The following EIF3F variants were observed in gnomAD, a reference collection of about 807,000 sequenced individuals.
EIF3F encodes eukaryotic translation initiation factor 3 subunit F.
A neutral mutation model predicts 36.0 loss-of-function variants in EIF3F; 8 were observed. That is an observed-to-expected ratio of 0.22 (90% CI 0.13 to 0.40). The LOEUF (loss-of-function observed/expected upper bound fraction) is 0.40. Among genes scored for constraint, EIF3F ranks in the 10% least tolerant of loss-of-function variants. EIF3F has a pLI of 1.00. For missense variants in EIF3F, 430 were observed against 467.6 expected (o/e 0.92, Z 0.74); for synonymous variants, 184 against 188.5 (o/e 0.98, Z 0.19).
intron 1 of EIF3F, among the ~76,000 whole-genome samples, chr11:7,988,133 A>G (rs1199941203): frequency 1.3e-5 from 2 of 152,188 alleles, no homozygotes; most frequent in Non-Finnish European, 2.9e-5. Flanking sequence ...GTGACCACAT[A>G]TTTCTCCCTT....
chr11:7,993,115 A>T, intron 4 of EIF3F, 91 bp downstream of exon 4: 2 of 1,424,812 alleles, frequency 1.4e-6, no homozygotes. Context: ...TTCCATGTGT[A>T]ACTTGCTGTG....
intron 1 of EIF3F, among the ~76,000 whole-genome samples, chr11:7,991,577 G>A (rs1387796510): frequency 6.6e-6 from 1 of 152,202 alleles, no homozygotes; most frequent in Non-Finnish European, 1.5e-5. Context: ...GTGATGATTA[G>A]AGGGAGAAGT....
rs1942210181 is a variant in EIF3F at position 8,000,609 on chromosome 11, T to G, written c.*4587T>G. 6.6e-6 allele frequency: 1 copy of G among 152,216 alleles called. No individual in the cohort carries two copies. The highest frequency in any genetic ancestry group is 1.5e-5 in the Non-Finnish European group (1 of 68,040). The allele number at this position is 152,216 out of a possible 1,614,324, so 9.4% of individuals were successfully genotyped here. On this transcript the variant is annotated 3_prime_UTR_variant, in exon 8 of 8. Coordinates refer to ENST00000651655, the MANE Select transcript of EIF3F (RefSeq NM_003754.3). ...TAATCAATTTCGCAATGTGTACATATATCAAAACATCACATTGTACAAAAT... is the reference window on the plus strand; with the variant it reads ...TAATCAATTTCGCAATGTGTACATAGATCAAAACATCACATTGTACAAAAT...
At position 7,987,612 on chromosome 11, in the gene EIF3F, C is replaced by T. The variant is rs761792741; in HGVS notation, c.260C>T (p.Pro87Leu). ...LPGPALPGPF[P>L]GGRVVRLHPV... is the part of the protein sequence containing the mutation. ...GGTCCTGCTCTTCCAGGGCCCTTCC[C>T]CGGCGGCCGCGTGGTCAGGCTGCAC... Residue 87 changes from proline (P) to leucine (L), a missense_variant, in exon 1 of 8, where the codon CCC becomes CTC. Physicochemically the swap from Pro to Leu is moderately conservative, Grantham distance 98. Coordinates refer to ENST00000651655, the MANE Select transcript of EIF3F (RefSeq NM_003754.3). 9 of 1,585,038 alleles carry T rather than the reference C, an allele frequency of 5.7e-6. No homozygotes were observed. In the African/African-American group the frequency reaches 1.2e-4, roughly 22 times the overall value.
intron 1 of EIF3F, chr11:7,987,961 G>C: frequency 6.7e-6 from 3 of 448,022 alleles, no homozygotes; most frequent in Non-Finnish European, 1.1e-5. Context: ...ACAAGGAGTA[G>C]TTGTGTCATT....
rs1011593306 is a variant in EIF3F at position 7,998,314 on chromosome 11, A to T, written c.*2292A>T. On this transcript the variant is annotated 3_prime_UTR_variant, in exon 8 of 8. Coordinates refer to ENST00000651655, the MANE Select transcript of EIF3F (RefSeq NM_003754.3). ...TAGTATATATGGTTGACCCATTAAC[A>T]CTGAACTTAGCCCACGACACTTATT... The T allele has an allele frequency of 6.6e-6, 1 of 152,206 alleles. No homozygotes were observed. The highest frequency in any genetic ancestry group is 1.5e-5 in the Non-Finnish European group (1 of 68,046). The allele number at this position is 152,206 out of a possible 1,614,324, so 9.4% of individuals were successfully genotyped here. A position where few individuals can be genotyped will look rare whatever the true frequency, so the allele number is the denominator to read the frequency against.
chr11:7,996,197 G>A lies in EIF3F; in HGVS notation c.*175G>A, dbSNP rs7929026. 53 of 575,012 alleles carry A rather than the reference G, an allele frequency of 9.2e-5. No homozygotes were observed. Among genetic ancestry groups the A allele is most frequent in the East Asian group, 4.0e-4 (14 of 34,642 alleles). 35.6% of individuals were successfully genotyped at this position (575,012 alleles called of 1,614,324 possible). A position where few individuals can be genotyped will look rare whatever the true frequency, so the allele number is the denominator to read the frequency against. On this transcript the variant is annotated 3_prime_UTR_variant, in exon 8 of 8. Coordinates refer to ENST00000651655, the MANE Select transcript of EIF3F (RefSeq NM_003754.3). The stretch of plus-strand genomic sequence containing the variant: ...TTTCATCTTATGTGAGTTTATTGCC[G>A]GGTGGAAGGGAGGAAAATGTTTTAG...
Position 8,001,028 on chromosome 11 carries a change from AAAAG to A in EIF3F, c.*5007_*5010del, listed in dbSNP as rs1942215218. ...GAAAATATTTGCAGTTCATATCAAA[AAAAG>A]GGCTAATATTCTTGTCCCAGAATTC... On this transcript the variant is annotated 3_prime_UTR_variant, in exon 8 of 8. Transcript: ENST00000651655. 1 of 152,224 alleles carries A rather than the reference AAAAG, an allele frequency of 6.6e-6. No homozygotes were observed. The highest frequency in any genetic ancestry group is 6.5e-5 in the Admixed American group (1 of 15,274). The allele number at this position is 152,224 out of a possible 1,614,324, so 9.4% of individuals were successfully genotyped here.
rs377604863 is a variant in EIF3F at position 7,997,581 on chromosome 11, C to A, written c.*1559C>A. The A allele has an allele frequency of 4.6e-5, 7 of 151,968 alleles. No individual in the cohort carries two copies. Among genetic ancestry groups the A allele is most frequent in the East Asian group, 3.9e-4 (2 of 5,188 alleles). The allele number at this position is 151,968 out of a possible 1,614,324, so 9.4% of individuals were successfully genotyped here. A position where few individuals can be genotyped will look rare whatever the true frequency, so the allele number is the denominator to read the frequency against. ...GGAAAAATTGAATATTAAAACAAAC[C>A]CCAATCATATGCTGTTTACAGGAGA... On this transcript the variant is annotated 3_prime_UTR_variant, in exon 8 of 8. Transcript: ENST00000651655.
Position 7,992,891 on chromosome 11 carries a change from G to A in EIF3F, c.520G>A (p.Ala174Thr), listed in dbSNP as rs950500853. ...CCACTGTGTTCCATTTCACAGGTAC[G>A]CTACGGGCCATGACATCACAGAGCA... ...SPNELILGWY[A>T]TGHDITEHSV... is the part of the protein sequence containing the mutation. Residue 174 changes from alanine (A) to threonine (T), a missense_variant, in exon 4 of 8, where the codon GCT becomes ACT. By Grantham distance (58) the Ala-to-Thr change is moderately conservative (BLOSUM62 0). Around this residue, in one of 2 missense-constraint regions of EIF3F, gnomAD observed 262 missense variants for 347.4 expected, o/e 0.75. Transcript: ENST00000651655. The A allele has an allele frequency of 4.3e-6, 7 of 1,614,044 alleles. No homozygotes were observed. Among genetic ancestry groups the A allele is most frequent in the Non-Finnish European group, 5.9e-6 (7 of 1,180,012 alleles).
intron 7 of EIF3F, 49 bp from the exon 8 acceptor site, chr11:7,995,896 C>A: frequency 6.4e-7 from 1 of 1,558,552 alleles, no homozygotes; most frequent in Non-Finnish European, 8.9e-7. Context: ...AGCCTTTTTG[C>A]TCCCTTTCCA....
rs1942196136 is a variant in EIF3F at position 7,999,528 on chromosome 11, A to G, written c.*3506A>G. On this transcript the variant is annotated 3_prime_UTR_variant, in exon 8 of 8. Transcript: ENST00000651655. ...TGTTTCTAAATGTATATGGAAAAAT[A>G]AAAATGTCTCCAAAAAATCCCTGCA... 6.6e-6 allele frequency: 1 copy of G among 152,244 alleles called. No homozygotes were observed. The highest frequency in any genetic ancestry group is 1.5e-5 in the Non-Finnish European group (1 of 68,042). 9.4% of individuals were successfully genotyped at this position (152,244 alleles called of 1,614,324 possible).
chr11:7,995,888 C>T (rs1306939243), intron 7 of EIF3F, 57 bp from the exon 8 acceptor site: 2 of 1,502,480 alleles, frequency 1.3e-6, no homozygotes, highest in Non-Finnish European at 1.9e-6. Flanking sequence ...CCAAAGCCAG[C>T]CTTTTTGCTC....
rs1942167251 is a variant in EIF3F, at chr11:7,996,962, T to C, written c.*940T>C. ...AGGGTATTATGAGGATTCCATGAAT[T>C]AATAAATGTCAGGTTAATCAACACT... is the stretch of plus-strand genomic sequence containing the variant. On this transcript the variant is annotated 3_prime_UTR_variant, in exon 8 of 8. Transcript: ENST00000651655. 1 of 152,184 alleles carries C rather than the reference T, an allele frequency of 6.6e-6. No homozygotes were observed. The highest frequency in any genetic ancestry group is 1.5e-5 in the Non-Finnish European group (1 of 68,024). The allele number at this position is 152,184 out of a possible 1,614,324, so 9.4% of individuals were successfully genotyped here.
intron 1 of EIF3F, among the ~76,000 whole-genome samples, chr11:7,991,152 A>G (rs1189564548): frequency 6.6e-6 from 1 of 151,812 alleles, no homozygotes. Flanking sequence ...CCGAGATTGC[A>G]CCACTGCACT....
intron 1 of EIF3F, among the ~76,000 whole-genome samples, 190 bp from the exon 2 acceptor site, chr11:7,991,591 C>T (rs1942096217): frequency 6.6e-6 from 1 of 152,130 alleles, no homozygotes; most frequent in South Asian, 2.1e-4. Context: ...GAGAAGTTGG[C>T]GATCACACCA....
At chr11:7,988,838 C>G (rs371560477) in intron 1 of EIF3F, among the ~76,000 whole-genome samples, 3 of 152,366 alleles carry the variant, frequency 2.0e-5, no homozygotes, top group East Asian at 3.9e-4. Context: ...TTAAAAACTT[C>G]TGACTATGCT....
Position 8,000,635 on chromosome 11 carries a change from A to G in EIF3F, c.*4613A>G, listed in dbSNP as rs936761113. The G allele has an allele frequency of 1.3e-5, 2 of 152,114 alleles. No individual in the cohort carries two copies. The highest frequency in any genetic ancestry group is 2.9e-5 in the Non-Finnish European group (2 of 68,014). 9.4% of individuals were successfully genotyped at this position (152,114 alleles called of 1,614,324 possible). On this transcript the variant is annotated 3_prime_UTR_variant, in exon 8 of 8. Coordinates refer to ENST00000651655, the MANE Select transcript of EIF3F (RefSeq NM_003754.3). The stretch of plus-strand genomic sequence containing the variant: ...ATCAAAACATCACATTGTACAAAAT[A>G]CATACAGTTTTTGTCAATTTAAAGA...
chr11:7,995,918 A>G (rs1942155128), intron 7 of EIF3F, 27 bp from the exon 8 acceptor site: 3 of 1,608,306 alleles, frequency 1.9e-6, no homozygotes, highest in Non-Finnish European at 2.6e-6. Flanking sequence ...CCAACCCCCC[A>G]CTCATTGTGT....
Sources: gnomAD v4.1 joint callset for allele counts (sites outside exome capture counted in the v4.1 genomes callset) on GRCh38, gnomAD v4.1.1 for gene constraint, gnomAD v4.1.1 regional missense constraint, MANE v1.5 for transcripts, NCBI Gene and HGNC (gene_info 2026-07-23, HGNC 2026-07-21) for gene names.